Variants in NCR1 observed in about 807,000 individuals in gnomAD.
NCR1 encodes NK cell-activating receptor.
In NCR1, 30 loss-of-function variants were observed where a neutral mutation model predicts 32.5. That is an observed-to-expected ratio of 0.92 (90% confidence interval 0.69 to 1.25). The LOEUF (loss-of-function observed/expected upper bound fraction) is 1.25, where lower values mean the gene tolerates loss of function less well. Among genes scored for constraint, NCR1 ranks in the 50% most tolerant of loss-of-function variants. NCR1 has a pLI of 0.00. For synonymous variants in NCR1, 169 were observed against 143.4 expected (o/e 1.18, Z -1.28); for missense variants, 369 against 380.7 (o/e 0.97, Z 0.26).
chr19:54,915,853 A>AC (rs987336449), downstream of NCR1: 1 of 146,788 alleles, frequency 6.8e-6, no homozygotes, highest in Non-Finnish European at 1.5e-5. Flanking sequence ...AAAAAAAAAA[A>AC]AAAAAAACCA....
chr19:54,926,778 T>G, the NCR1 span, among the ~76,000 whole-genome samples: 1 of 151,492 alleles, frequency 6.6e-6, no homozygotes, highest in Non-Finnish European at 1.5e-5. Context: ...TAGCTGGGTG[T>G]GGTGGCGAGC....
At chr19:54,923,744 CA>C in the NCR1 span, 5 of 1,612,748 alleles carry the variant, frequency 3.1e-6, no homozygotes, top group Middle Eastern at 2.0e-4. Flanking sequence ...GGCTGCTCAG[CA>C]AAAAAAGTCA....
the NCR1 span, among the ~76,000 whole-genome samples, chr19:54,925,916 C>T: frequency 6.6e-6 from 1 of 151,588 alleles, no homozygotes; most frequent in Admixed American, 6.6e-5. Context: ...AGGAGAATGG[C>T]GTGAACCCGG....
chr19:54,929,825 T>C, the NCR1 span, among the ~76,000 whole-genome samples: 68 of 152,092 alleles, frequency 4.5e-4, no homozygotes, highest in African/African-American at 1.6e-3. Flanking sequence ...ATTGAAAACA[T>C]AGAAATTGGC....
At chr19:54,900,651 G>A in the NCR1 span, among the ~76,000 whole-genome samples, 4 of 152,016 alleles carry the variant, frequency 2.6e-5, no homozygotes, top group African/African-American at 9.7e-5. Flanking sequence ...AAAGTGCTGG[G>A]ATTACAGGCA....
the NCR1 span, among the ~76,000 whole-genome samples, chr19:54,926,183 A>G: frequency 6.7e-6 from 1 of 149,010 alleles, no homozygotes; most frequent in Non-Finnish European, 1.5e-5. Flanking sequence ...GGAACTACCT[A>G]TTTTTGGATA....
Position 54,909,267 on chromosome 19 carries a change from C to G in NCR1, c.378C>G (p.Leu126=). 1.2e-6 allele frequency: 2 copies of G among 1,613,454 alleles called. No homozygotes were observed. Among genetic ancestry groups the G allele is most frequent in the Non-Finnish European group, 1.7e-6 (2 of 1,179,460 alleles). Residue 126 remains leucine, a synonymous_variant, in exon 4 of 7, where the codon CTC becomes CTG. Transcript: ENST00000291890. ...VVTEMYDTPT[L]SVHPGPEVIS... is the part of the protein sequence containing the mutation. ...TAGAAATGTATGACACACCCACCCT[C>G]TCGGTTCATCCTGGACCCGAAGTGA...
chr19:54,901,238 C>A (rs183800790), upstream of NCR1, among the ~76,000 whole-genome samples: 741 of 148,706 alleles, frequency 5.0e-3, 8 homozygotes, highest in African/African-American at 0.018. Context: ...TGCAGTGAGT[C>A]GAGATTGCGC....
the NCR1 span, among the ~76,000 whole-genome samples, chr19:54,934,297 G>A: frequency 9.2e-5 from 14 of 152,170 alleles, 1 homozygote; most frequent in Non-Finnish European, 1.8e-4. The surrounding 1 kb of genome is among the most constrained non-coding windows in gnomAD (Gnocchi z 6.7). Flanking sequence ...GGTTGGTCTC[G>A]AACTCCTGAA....
chr19:54,934,176 C>T, the NCR1 span, among the ~76,000 whole-genome samples: 127 of 152,286 alleles, frequency 8.3e-4, no homozygotes, highest in Non-Finnish European at 6.9e-4. This position sits in a 1 kb window ranked among gnomAD's most constrained non-coding sequence, Gnocchi z 6.7. Context: ...CTCTTGACCT[C>T]GTGATCTCCC....
intron 3 of NCR1, among the ~76,000 whole-genome samples, chr19:54,908,691 A>C (rs1477200801): frequency 7.0e-6 from 1 of 143,650 alleles, no homozygotes; most frequent in Non-Finnish European, 1.5e-5. Flanking sequence ...GCTGCAGTGC[A>C]GTGGTACAAT....
At chr19:54,900,892 A>G in the NCR1 span, among the ~76,000 whole-genome samples, 1 of 151,754 alleles carries the variant, frequency 6.6e-6, no homozygotes, top group African/African-American at 2.4e-5. Flanking sequence ...GGTTGCACCA[A>G]CTCCGTGAAT....
the NCR1 span, among the ~76,000 whole-genome samples, chr19:54,936,863 C>T: frequency 6.6e-6 from 1 of 151,818 alleles, no homozygotes; most frequent in African/African-American, 2.4e-5. Flanking sequence ...TGCAGTGAGC[C>T]GAGACCGCAC....
At position 54,912,776 on chromosome 19, in the gene NCR1, G is replaced by T. The variant is rs202154415; in HGVS notation, c.820G>T (p.Val274Phe). 5 of 1,614,116 alleles carry T rather than the reference G, an allele frequency of 3.1e-6. No individual in the cohort carries two copies. Among genetic ancestry groups the T allele is most frequent in the Admixed American group, 1.7e-5 (1 of 59,992 alleles). The change falls in exon 7 of 7, where the codon GTT becomes TTT. Residue 274 changes from valine (V) to phenylalanine (F), a missense_variant. Physicochemically the swap from Val to Phe is conservative, Grantham distance 50. Transcript: ENST00000291890. The stretch of plus-strand genomic sequence containing the variant: ...CCTGGTGGCTCTAGTGTGGTTCCTG[G>T]TTGAAGACTGGCTCAGCAGGAAGAG... ...LVLVALVWFL[V>F]EDWLSRKRTR...
downstream of NCR1, among the ~76,000 whole-genome samples, chr19:54,918,202 G>T (rs1257642919): frequency 6.6e-6 from 1 of 151,980 alleles, no homozygotes; most frequent in Non-Finnish European, 1.5e-5. Flanking sequence ...AAAGTGCTGG[G>T]ATTACAGGTG....
intron 5 of NCR1, among the ~76,000 whole-genome samples, chr19:54,911,112 C>T (rs149458145): frequency 0.058 from 8,866 of 151,676 alleles, 333 homozygotes; most frequent in Middle Eastern, 0.12. Context: ...TTTGGGAAAC[C>T]GAGGCAGGTG....
the NCR1 span, among the ~76,000 whole-genome samples, chr19:54,932,606 A>G: frequency 1.3e-5 from 2 of 152,108 alleles, no homozygotes; most frequent in Non-Finnish European, 2.9e-5. Flanking sequence ...TCGTGGGTCA[A>G]TTCCAACCTG....
downstream of NCR1, among the ~76,000 whole-genome samples, chr19:54,921,039 T>C (rs1475036649): frequency 6.6e-6 from 1 of 152,166 alleles, no homozygotes; most frequent in Non-Finnish European, 1.5e-5. Flanking sequence ...TTTAAGTAGA[T>C]AAAATATTTA....
the NCR1 span, among the ~76,000 whole-genome samples, chr19:54,924,603 AAC>A: frequency 6.6e-6 from 1 of 152,130 alleles, no homozygotes; most frequent in East Asian, 1.9e-4. Flanking sequence ...CCAGCCTGGT[AAC>A]AGAGTAAAAC....
Sources: allele counts gnomAD v4.1 joint callset (sites outside exome capture counted in the v4.1 genomes callset), GRCh38; gene constraint gnomAD v4.1.1; non-coding constraint Gnocchi (gnomAD v3.1); transcripts MANE v1.5; gene names NCBI Gene and HGNC (gene_info 2026-07-23, HGNC 2026-07-21).